The following AFG3L2 variants were observed in gnomAD, a reference collection of about 807,000 sequenced individuals.
AFG3L2 encodes the protein mitochondrial inner membrane m-AAA protease component AFG3L2.
A neutral mutation model predicts 94.5 loss-of-function variants in AFG3L2; 54 were observed. That is an observed-to-expected ratio of 0.57 (90% confidence interval 0.46 to 0.72). The LOEUF (loss-of-function observed/expected upper bound fraction) is 0.72. AFG3L2 is among the 30% of genes least tolerant of loss of function. AFG3L2 has a pLI of 0.00. For missense variants in AFG3L2, 754 were observed against 994.9 expected, an observed-to-expected ratio of 0.76 and a Z score of 3.26; for synonymous variants, 377 against 365.5, an observed-to-expected ratio of 1.03 and a Z score of -0.36.
Position 12,370,886 on chromosome 18 carries a change from TTTTTTTCCA to T in AFG3L2, c.246_254del (p.Asn82_Lys84del), listed in dbSNP as rs771902252. On this transcript the variant is annotated inframe_deletion, in exon 3 of 17. Transcript: ENST00000269143. ...CCATAACTTCTTTAGGTTCACTAGCTTTTTTTCCATTTTTTCCATTAGGAAAGTATTTTT... is the reference window on the plus strand; with the variant it reads ...CCATAACTTCTTTAGGTTCACTAGCTTTTTTTCCATTAGGAAAGTATTTTT... The T allele has an allele frequency of 5.1e-6, 8 of 1,577,466 alleles. No homozygotes were observed. Among genetic ancestry groups the T allele is most frequent in the South Asian group, 1.1e-5 (1 of 89,196 alleles).
chr18:12,361,484 T>C (rs1223207318), intron 6 of AFG3L2, among the ~76,000 whole-genome samples: 1 of 151,656 alleles, frequency 6.6e-6, no homozygotes, highest in Non-Finnish European at 1.5e-5. Flanking sequence ...CCGTCTCTAC[T>C]AAAAATACAA....
At chr18:12,339,025 C>T (rs554211116) in intron 15 of AFG3L2, among the ~76,000 whole-genome samples, 4 of 151,970 alleles carry the variant, frequency 2.6e-5, no homozygotes, top group East Asian at 3.9e-4. Context: ...CAGGCCAAGG[C>T]GGGCGGATCA....
At chr18:12,352,728 G>C (rs965234881) in intron 10 of AFG3L2, among the ~76,000 whole-genome samples, 1 of 152,096 alleles carries the variant, frequency 6.6e-6, no homozygotes, top group African/African-American at 2.4e-5. Context: ...TAGTATAAAA[G>C]GGCCTTTTAA....
chr18:12,345,505 A>G (rs956840811), intron 13 of AFG3L2, among the ~76,000 whole-genome samples: 1 of 152,234 alleles, frequency 6.6e-6, no homozygotes, highest in African/African-American at 2.4e-5. Context: ...AGACAAGCAT[A>G]TGCCACAGGG....
chr18:12,333,164 TATA>T (rs36194543), intron 16 of AFG3L2, among the ~76,000 whole-genome samples: 87,250 of 107,838 alleles, frequency 0.81, 36,106 homozygotes, highest in Non-Finnish European at 0.88. Flanking sequence ...ATCTAATATA[TATA>T]ATAATAGATA....
chr18:12,351,779 T>G (rs1908326531), intron 10 of AFG3L2, among the ~76,000 whole-genome samples: 1 of 152,134 alleles, frequency 6.6e-6, no homozygotes, highest in African/African-American at 2.4e-5. Flanking sequence ...ACACCTAACC[T>G]CAGGTGATCC....
chr18:12,340,331 G>A lies in AFG3L2; in HGVS notation c.1850C>T (p.Thr617Ile). 2 of 1,614,082 alleles carry A rather than the reference G, an allele frequency of 1.2e-6. No homozygotes were observed. Among genetic ancestry groups the A allele is most frequent in the Non-Finnish European group, 1.7e-6 (2 of 1,179,954 alleles). Residue 617 changes from threonine (T) to isoleucine (I), a missense_variant, in exon 15 of 17, where the codon ACC (threonine) becomes ATC (isoleucine). Thr to Ile is a moderately conservative substitution (Grantham distance 89). Transcript: ENST00000269143. ...QYLPKEQYLY[T>I]KEQLLDRMCM... Reference sequence around the variant, plus strand: ...CATCCTATCCAAGAGCTGCTCTTTGGTATAGAGGTATTGTTCTTTTGGTAA... The same window carrying A: ...CATCCTATCCAAGAGCTGCTCTTTGATATAGAGGTATTGTTCTTTTGGTAA...
rs1427094353 is a variant in AFG3L2 at position 12,347,655 on chromosome 18, A to G, written c.1663+618T>C. 2.0e-5 allele frequency among the ~76,000 whole-genome samples: 3 copies of G among 151,154 alleles called. No individual in the cohort carries two copies. The East Asian group carries it at 5.8e-4, about 29-fold the overall frequency. ...AACCTCTGCCTCCCGGGTTCAAGCG[A>G]TTCTCCTGCCTCAGCCTCCCAAGTA... On this transcript the variant is annotated intron_variant, in intron 13 of 16. Transcript: ENST00000269143.
At chr18:12,332,964 T>C (rs1335842903) in intron 16 of AFG3L2, among the ~76,000 whole-genome samples, 24 of 13,442 alleles carry the variant, frequency 1.8e-3, no homozygotes, top group Admixed American at 5.6e-3. Flanking sequence ...TATACTATAA[T>C]ATATTATATA....
Sources: gnomAD v4.1 joint callset for allele counts (sites outside exome capture counted in the v4.1 genomes callset) on GRCh38, gnomAD v4.1.1 for gene constraint, MANE v1.5 for transcripts, NCBI Gene and HGNC (gene_info 2026-07-23, HGNC 2026-07-21) for gene names.